The following DMXL1 variants were observed in gnomAD, a reference collection of about 807,000 sequenced individuals.
DMXL1 encodes the protein dmX-like protein 1.
A neutral mutation model predicts 319.2 loss-of-function variants in DMXL1; 99 were observed. That is an observed-to-expected ratio of 0.31 (90% confidence interval 0.26 to 0.37). The LOEUF (loss-of-function observed/expected upper bound fraction) is 0.37. DMXL1 is among the 10% of genes least tolerant of loss of function. DMXL1 has a pLI of 1.00. For synonymous variants in DMXL1, 1,385 were observed against 1,235.2 expected (o/e 1.12, Z -2.54); for missense variants, 3,745 against 3,595.6 (o/e 1.04, Z -1.06).
At chr5:119,118,339 G>T (rs1014494545) in intron 7 of DMXL1, among the ~76,000 whole-genome samples, 3 of 152,216 alleles carry the variant, frequency 2.0e-5, no homozygotes, top group Non-Finnish European at 4.4e-5. Flanking sequence ...ATAATTCAAA[G>T]AACTATCCAC....
At chr5:119,141,625 C>T (rs536936535) in intron 13 of DMXL1, among the ~76,000 whole-genome samples, 1 of 152,174 alleles carries the variant, frequency 6.6e-6, no homozygotes, top group African/African-American at 2.4e-5. Flanking sequence ...ATGGGAAAAA[C>T]ATCCTATGTT....
rs566950727 is a variant in DMXL1 at position 119,102,966 on chromosome 5, A to G, written c.285+960A>G. ...AGGGAGGGGAGCAGAAAAGATAACTATTGGGTACTGGGCTTAATACCTGGG... is the reference window on the plus strand; with the variant it reads ...AGGGAGGGGAGCAGAAAAGATAACTGTTGGGTACTGGGCTTAATACCTGGG... On this transcript the variant is annotated intron_variant, in intron 3 of 43. Transcript: ENST00000539542. Among the ~76,000 whole-genome samples the G allele has an allele frequency of 3.2e-3, 487 of 152,214 alleles. 10 individuals are homozygous for G. The highest frequency in any genetic ancestry group is 6.0e-4 in the Non-Finnish European group (41 of 68,008).
chr5:119,199,370 G>C (rs550958570), intron 32 of DMXL1, among the ~76,000 whole-genome samples: 1 of 152,116 alleles, frequency 6.6e-6, no homozygotes, highest in Non-Finnish European at 1.5e-5. Context: ...GTAACCTCCA[G>C]CTCCATCCAT....
intron 28 of DMXL1, among the ~76,000 whole-genome samples, chr5:119,185,464 C>T (rs900250949): frequency 6.6e-5 from 10 of 152,088 alleles, no homozygotes; most frequent in Admixed American, 2.0e-4. Context: ...GTCAGTCTTT[C>T]TAAAAGCTGG....
intron 22 of DMXL1, 37 bp from the exon 23 acceptor site, chr5:119,167,566 G>C: frequency 6.6e-7 from 1 of 1,505,560 alleles, no homozygotes; most frequent in South Asian, 1.3e-5. Context: ...AATGAAACCT[G>C]CTCCTGCTTA....
At chr5:119,175,157 A>G (rs1775552950) in intron 25 of DMXL1, 104 bp from the exon 26 acceptor site, 1 of 779,282 alleles carries the variant, frequency 1.3e-6, no homozygotes, top group African/African-American at 1.8e-5. Flanking sequence ...CAAAGAATCA[A>G]AAATTTTTTC....
intron 1 of DMXL1, among the ~76,000 whole-genome samples, chr5:119,093,974 T>C (rs1457156454): frequency 5.3e-5 from 8 of 152,020 alleles, no homozygotes; most frequent in Non-Finnish European, 7.4e-5. Context: ...CCAGCAGAGG[T>C]TGGTTCATGA....
At position 119,233,323 on chromosome 5, in the gene DMXL1, G is replaced by A. The variant is rs199879049; in HGVS notation, c.8339-17G>A. On this transcript the variant is annotated splice_polypyrimidine_tract_variant and intron_variant, in intron 38 of 43. Coordinates refer to ENST00000539542, the MANE Select transcript of DMXL1 (RefSeq NM_001290321.3). ...TTCTTGAAATAAATCTGCAATTTTTGCCCTCTTGTAATGCAGATCTGACAG... is the reference window on the plus strand; with the variant it reads ...TTCTTGAAATAAATCTGCAATTTTTACCCTCTTGTAATGCAGATCTGACAG... 6.9e-6 allele frequency: 11 copies of A among 1,590,114 alleles called. No individual in the cohort carries two copies. Among genetic ancestry groups the A allele is most frequent in the Non-Finnish European group, 9.4e-6 (11 of 1,170,058 alleles).
rs758963672 is a variant in DMXL1 at position 119,239,038 on chromosome 5, C to G, written c.8609C>G (p.Ser2870Cys). Residue 2870 changes from serine to cysteine, a missense_variant, in exon 41 of 44, where the codon TCC becomes TGC. By Grantham distance (112) the Ser-to-Cys change is moderately radical. Transcript: ENST00000539542. Reference sequence around the variant, plus strand: ...GCCAATGATTTTGTCTTCGTTAGTTCCTCCTCTCTGATAGCTACAGCTGGT... The same window carrying G: ...GCCAATGATTTTGTCTTCGTTAGTTGCTCCTCTCTGATAGCTACAGCTGGT... ...KTANDFVFVS[S>C]SSLIATAGLS... 1 of 1,613,828 alleles carries G rather than the reference C, an allele frequency of 6.2e-7. No homozygotes were observed. Among genetic ancestry groups the G allele is most frequent in the South Asian group, 1.1e-5 (1 of 91,066 alleles).
In DMXL1 at chr5:119,134,309, G is replaced by A; in HGVS notation, c.2296G>A (p.Asp766Asn). The A allele has an allele frequency of 6.2e-7, 1 of 1,613,962 alleles. No homozygotes were observed. Residue 766 changes from aspartate (D) to asparagine (N), a missense_variant, in exon 13 of 44, where the codon GAT (aspartate) becomes AAT (asparagine). Physicochemically the swap from Asp to Asn is conservative, Grantham distance 23. This residue lies in a region of DMXL1 where 2,096 missense variants were observed against 1,985.4 expected (regional missense o/e 1.06). Coordinates refer to ENST00000539542, the MANE Select transcript of DMXL1 (RefSeq NM_001290321.3). ...NSPSACFVAS[D>N]GQYLRLYEAV... ...TCCTAGTGCATGCTTTGTAGCCAGT[G>A]ATGGACAATATCTGAGATTATATGA...
At chr5:119,171,346 G>T (rs1197257938) in intron 24 of DMXL1, 66 bp downstream of exon 24, 5 of 1,475,358 alleles carry the variant, frequency 3.4e-6, no homozygotes, top group Admixed American at 2.3e-5. Flanking sequence ...TTTCTTTTTT[G>T]GTTTTGAATA....
chr5:119,204,721 G>C (rs1484506457), intron 33 of DMXL1, among the ~76,000 whole-genome samples: 1 of 152,132 alleles, frequency 6.6e-6, no homozygotes, highest in African/African-American at 2.4e-5. Context: ...CTCCTGGACT[G>C]GTAACGAAGA....
chr5:119,233,272 G>T, intron 38 of DMXL1, 68 bp from the exon 39 acceptor site: 1 of 1,509,098 alleles, frequency 6.6e-7, no homozygotes, highest in Non-Finnish European at 9.1e-7. Context: ...TTTCACATAG[G>T]ATAAAGAAAT....
intron 37 of DMXL1, among the ~76,000 whole-genome samples, chr5:119,223,229 G>A (rs1301826841): frequency 6.6e-6 from 1 of 151,744 alleles, no homozygotes; most frequent in East Asian, 1.9e-4. Context: ...GCTAATTTTT[G>A]TATTTTTAGT....
At chr5:119,222,143 G>A (rs1385631995) in intron 37 of DMXL1, among the ~76,000 whole-genome samples, 3 of 152,092 alleles carry the variant, frequency 2.0e-5, no homozygotes, top group Non-Finnish European at 4.4e-5. Context: ...ACCTAATGGA[G>A]TTCCTTTATA....
intron 38 of DMXL1, among the ~76,000 whole-genome samples, chr5:119,225,920 A>C (rs1785463807): frequency 6.6e-6 from 1 of 152,158 alleles, no homozygotes; most frequent in Non-Finnish European, 1.5e-5. Flanking sequence ...TATAAAATTT[A>C]AATAATATTA....
intron 40 of DMXL1, among the ~76,000 whole-genome samples, chr5:119,237,809 A>G (rs1581491013): frequency 2.0e-5 from 3 of 152,050 alleles, no homozygotes; most frequent in Admixed American, 6.5e-5. Context: ...AGGACATCCT[A>G]TAGCTGGTAC....
Position 119,079,567 on chromosome 5 carries a change from ACTT to A in DMXL1, c.87+7915_87+7917del, listed in dbSNP as rs1751732532. On this transcript the variant is annotated intron_variant, in intron 1 of 43. Transcript: ENST00000539542. ...TTGTTGCCACTTTTATGTCCTGCTC[ACTT>A]CTTAACTCACTATACTTTGGCAGCT... 2.0e-5 allele frequency among the ~76,000 whole-genome samples: 3 copies of A among 152,276 alleles called. No homozygotes were observed. In the South Asian group the frequency reaches 6.2e-4, roughly 32 times the overall value.
intron 1 of DMXL1, among the ~76,000 whole-genome samples, chr5:119,084,830 C>T (rs1181056070): frequency 2.0e-5 from 3 of 149,900 alleles, no homozygotes; most frequent in African/African-American, 7.4e-5. Context: ...CGCCATTGCA[C>T]TCCACCCTGG....
Sources: allele counts gnomAD v4.1 joint callset (sites outside exome capture counted in the v4.1 genomes callset), GRCh38; gene constraint gnomAD v4.1.1; regional missense constraint gnomAD v4.1.1; transcripts MANE v1.5; gene names NCBI Gene and HGNC (gene_info 2026-07-23, HGNC 2026-07-21).